The following ARMC3 variants were observed in gnomAD, a reference collection of about 807,000 sequenced individuals.
ARMC3 encodes the protein armadillo repeat containing 3.
ARMC3 carries 74 observed loss-of-function variants against 90.3 expected under a neutral mutation model. The ratio of observed to expected loss-of-function variants is 0.82; its 90% CI spans 0.68 to 0.99. The LOEUF (loss-of-function observed/expected upper bound fraction) is 0.99. ARMC3 is among the 50% of genes least tolerant of loss of function. ARMC3 has a pLI of 0.00. For synonymous variants in ARMC3, 334 were observed against 361.8 expected, an observed-to-expected ratio of 0.92 and a Z score of 0.87; for missense variants, 958 against 1,042.8, an observed-to-expected ratio of 0.92 and a Z score of 1.12.
chr10:22,943,668 C>T (rs1257031908), intron 2 of ARMC3, among the ~76,000 whole-genome samples: 1 of 152,026 alleles, frequency 6.6e-6, no homozygotes, highest in African/African-American at 2.4e-5. Flanking sequence ...TGAGTTGGCT[C>T]ATGCCTGTAA....
In ARMC3 at chr10:22,998,144, T is replaced by G. The variant is rs767077579; in HGVS notation, c.1176-4T>G. 2 of 1,613,386 alleles carry G rather than the reference T, an allele frequency of 1.2e-6. No individual in the cohort carries two copies. The highest frequency in any genetic ancestry group is 2.2e-5 in the East Asian group (1 of 44,860). ...TCACATTCATTTCTCTTTCATTTAC[T>G]CAGCGCTGCTGCTGAAGCTGATGGT... On this transcript the variant is annotated splice_polypyrimidine_tract_variant and splice_region_variant and intron_variant, in intron 10 of 18. Coordinates refer to ENST00000298032, the MANE Select transcript of ARMC3 (RefSeq NM_173081.5).
At chr10:22,965,877 T>C (rs1835418356) in intron 7 of ARMC3, among the ~76,000 whole-genome samples, 1 of 152,236 alleles carries the variant, frequency 6.6e-6, no homozygotes, top group South Asian at 2.1e-4. Context: ...TATTGAGCTT[T>C]CCTCTGTGAA....
At chr10:23,033,801 A>G (rs924092607) in intron 18 of ARMC3, among the ~76,000 whole-genome samples, 1 of 152,174 alleles carries the variant, frequency 6.6e-6, no homozygotes, top group African/African-American at 2.4e-5. Context: ...GATCCATGCT[A>G]AATCCTAGGT....
chr10:23,001,048 CTG>C (rs1837262233), intron 11 of ARMC3, among the ~76,000 whole-genome samples: 1 of 152,088 alleles, frequency 6.6e-6, no homozygotes, highest in Admixed American at 6.5e-5. Context: ...AGAGAAGACA[CTG>C]TGTATAGATA....
Position 23,030,675 on chromosome 10 carries a change from G to A in ARMC3, c.2125G>A (p.Gly709Arg), listed in dbSNP as rs1198659248. 20 of 1,613,866 alleles carry A rather than the reference G, an allele frequency of 1.2e-5. No homozygotes were observed. Among genetic ancestry groups the A allele is most frequent in the African/African-American group, 1.3e-5 (1 of 75,020 alleles). ...VMVVPKFVGE[G>R]SSDKEWCPPS... The stretch of plus-strand genomic sequence containing the variant: ...GGTGGTACCAAAATTTGTTGGTGAA[G>A]GAAGCTCTGACAAAGAATGGTGTCC... Residue 709 changes from glycine (G) to arginine (R), a missense_variant, in exon 17 of 19, where the codon GGA becomes AGA. Transcript: ENST00000298032.
rs572444444 is a variant in ARMC3 at position 22,998,800 on chromosome 10, C to T, written c.1425+403C>T. Among the ~76,000 whole-genome samples the T allele has an allele frequency of 1.5e-4, 23 of 152,280 alleles. No individual in the cohort carries two copies. The South Asian group carries it at 3.5e-3, about 23-fold the overall frequency. On this transcript the variant is annotated intron_variant, in intron 11 of 18. Coordinates refer to ENST00000298032, the MANE Select transcript of ARMC3 (RefSeq NM_173081.5). ...GAGCTACAGCCCCACATGTCAACAG[C>T]GATGAGTTCACAAGCATTATGCCAA...
intron 17 of ARMC3, among the ~76,000 whole-genome samples, chr10:23,031,895 C>A (rs1838936590): frequency 6.6e-6 from 1 of 151,944 alleles, no homozygotes; most frequent in Non-Finnish European, 1.5e-5. Flanking sequence ...TCTCTTTTTT[C>A]TTTTTTTAAA....
rs1356649522 is a variant in ARMC3, at chr10:22,937,363, A to G, written c.48+5319A>G. On this transcript the variant is annotated intron_variant, in intron 2 of 18. Coordinates refer to ENST00000298032, the MANE Select transcript of ARMC3 (RefSeq NM_173081.5). Reference sequence around the variant, plus strand: ...GATCATGACATACCCATCCTTAACCATAGTATCCTTATTCACACACTTATA... The same window carrying G: ...GATCATGACATACCCATCCTTAACCGTAGTATCCTTATTCACACACTTATA... 3.3e-5 allele frequency among the ~76,000 whole-genome samples: 5 copies of G among 152,168 alleles called. No homozygotes were observed. In the East Asian group the frequency reaches 9.6e-4, roughly 29 times the overall value.
intron 8 of ARMC3, among the ~76,000 whole-genome samples, chr10:22,977,035 T>C (rs1835955994): frequency 6.6e-6 from 1 of 152,204 alleles, no homozygotes; most frequent in African/African-American, 2.4e-5. Context: ...CTCTCCCTTG[T>C]GGTCTGGATT....
intron 6 of ARMC3, chr10:22,961,317 C>A (rs1324934318): frequency 1.3e-5 from 2 of 152,196 alleles, no homozygotes; most frequent in Non-Finnish European, 2.9e-5. Flanking sequence ...CAACCACCCA[C>A]TTCTTCACTC....
chr10:22,956,018 C>A, intron 4 of ARMC3, 86 bp downstream of exon 4: 1 of 1,270,994 alleles, frequency 7.9e-7, no homozygotes, highest in Non-Finnish European at 1.1e-6. Context: ...GAATTTGTTT[C>A]AATTTTATTT....
Position 22,936,018 on chromosome 10 carries a change from C to T in ARMC3, c.48+3974C>T, listed in dbSNP as rs531126061. On this transcript the variant is annotated intron_variant, in intron 2 of 18. Coordinates refer to ENST00000298032, the MANE Select transcript of ARMC3 (RefSeq NM_173081.5). ...GTGAAAGCTTTTTATTTGTACTTAT[C>T]GGCACCATAAAAATCACTCAACTGT... Among the ~76,000 whole-genome samples, 6 of 152,218 alleles carry T rather than the reference C, an allele frequency of 3.9e-5. No homozygotes were observed. The East Asian group carries it at 7.7e-4, about 20-fold the overall frequency.
At chr10:22,943,912 C>T (rs1009235777) in intron 2 of ARMC3, among the ~76,000 whole-genome samples, 11 of 148,004 alleles carry the variant, frequency 7.4e-5, no homozygotes, top group South Asian at 2.1e-4. Flanking sequence ...CCAGCCTGGG[C>T]GACAGAGTGA....
intron 16 of ARMC3, among the ~76,000 whole-genome samples, chr10:23,009,290 C>T (rs1015471093): frequency 4.6e-5 from 7 of 152,218 alleles, no homozygotes; most frequent in Non-Finnish European, 7.3e-5. Flanking sequence ...CCACTGCTGA[C>T]TTTTGCAGGT....
At chr10:22,968,647 A>G (rs1305636794) in intron 8 of ARMC3, among the ~76,000 whole-genome samples, 158 bp downstream of exon 8, 2 of 152,066 alleles carry the variant, frequency 1.3e-5, no homozygotes, top group African/African-American at 4.8e-5. Flanking sequence ...GACTACAGGC[A>G]TGCACCACCA....
In ARMC3 at chr10:23,008,359, G is replaced by C; in HGVS notation, c.1913G>C (p.Ser638Thr). The change falls in exon 15 of 19, where the codon AGT (serine) becomes ACT (threonine). Residue 638 changes from serine (S) to threonine (T), a missense_variant. Coordinates refer to ENST00000298032, the MANE Select transcript of ARMC3 (RefSeq NM_173081.5). ...ISSSSSLRRSSKEKNKKNSYH... is the reference protein window; with the variant it reads ...ISSSSSLRRSTKEKNKKNSYH... ...TCTTCATCTTCCTTAAGAAGATCAA[G>C]TAAAGAAAAGAACAAGTAAGAAAAT... 1.4e-6 allele frequency: 2 copies of C among 1,474,754 alleles called. No individual in the cohort carries two copies. Among genetic ancestry groups the C allele is most frequent in the Admixed American group, 1.9e-5 (1 of 53,730 alleles). 91.4% of individuals were successfully genotyped at this position (1,474,754 alleles called of 1,614,324 possible).
rs568637317 is a variant in ARMC3, at chr10:22,954,327, A to T, written c.167-1480A>T. ...AATTTGTAGAATATCTTTTAAAAAA[A>T]TTTTCTAGACTTTTTTTCTGTAAGC... On this transcript the variant is annotated intron_variant, in intron 3 of 18. Transcript: ENST00000298032. Among the ~76,000 whole-genome samples, 374 of 152,188 alleles carry T rather than the reference A, an allele frequency of 2.5e-3. 1 individual carries two copies. Among genetic ancestry groups the T allele is most frequent in the African/African-American group, 8.8e-3 (364 of 41,510 alleles).
At chr10:22,992,649 GCA>G (rs1836761934) in intron 10 of ARMC3, among the ~76,000 whole-genome samples, 1 of 152,144 alleles carries the variant, frequency 6.6e-6, no homozygotes, top group South Asian at 2.1e-4. Context: ...GAGTTTAGGG[GCA>G]CATATACTAG....
intron 4 of ARMC3, among the ~76,000 whole-genome samples, chr10:22,956,278 T>C (rs1834932353): frequency 6.6e-6 from 1 of 152,344 alleles, no homozygotes; most frequent in South Asian, 2.1e-4. Context: ...GTATATTTCA[T>C]AGTGAACAAA....
Sources: allele counts gnomAD v4.1 joint callset (sites outside exome capture counted in the v4.1 genomes callset), GRCh38; gene constraint gnomAD v4.1.1; transcripts MANE v1.5; gene names NCBI Gene and HGNC (gene_info 2026-07-23, HGNC 2026-07-21).